GRIP1: variants seen among roughly 807,000 people sequenced by gnomAD.
The protein encoded by GRIP1 is glutamate receptor-interacting protein 1.
GRIP1 carries 45 observed loss-of-function variants against 129.9 expected under a neutral mutation model. The observed-to-expected ratio is 0.35, with a 90% confidence interval of 0.27 to 0.44. The LOEUF (loss-of-function observed/expected upper bound fraction) is 0.44. GRIP1 is among the 20% of genes least tolerant of loss of function. The pLI, the probability that GRIP1 is intolerant of heterozygous loss-of-function variation, is 1.00. For missense variants in GRIP1, 1,196 were observed against 1,396.8 expected, an observed-to-expected ratio of 0.86 and a Z score of 2.29; for synonymous variants, 530 against 520.8, an observed-to-expected ratio of 1.02 and a Z score of -0.24.
At chr12:66,653,943 G>T (rs577533280) in intron 1 of GRIP1, among the ~76,000 whole-genome samples, 1 of 152,122 alleles carries the variant, frequency 6.6e-6, no homozygotes, top group Non-Finnish European at 1.5e-5. Context: ...TCAGAGAACA[G>T]AGACTAAAAG....
At chr12:66,979,409 G>A (rs1328462290) in intron 1 of GRIP1, among the ~76,000 whole-genome samples, 3 of 151,100 alleles carry the variant, frequency 2.0e-5, no homozygotes, top group South Asian at 2.1e-4. Context: ...TAGTTTATAT[G>A]GTAATAGCCC....
intron 23 of GRIP1, among the ~76,000 whole-genome samples, chr12:66,358,255 T>C (rs921573181): frequency 6.6e-6 from 1 of 152,184 alleles, no homozygotes; most frequent in Non-Finnish European, 1.5e-5. Flanking sequence ...TGTTCTCATC[T>C]TTGGCCACAG....
At chr12:66,956,010 A>C (rs2041835527) in intron 1 of GRIP1, among the ~76,000 whole-genome samples, 1 of 152,222 alleles carries the variant, frequency 6.6e-6, no homozygotes, top group African/African-American at 2.4e-5. Context: ...TTGTGCAGAT[A>C]ATACAAAGAG....
At chr12:67,008,101 A>C (rs1473649128) in intron 1 of GRIP1, among the ~76,000 whole-genome samples, 3 of 152,214 alleles carry the variant, frequency 2.0e-5, no homozygotes, top group Non-Finnish European at 4.4e-5. Flanking sequence ...ACATGTATTT[A>C]AACTTTTCTT....
intron 1 of GRIP1, among the ~76,000 whole-genome samples, chr12:66,646,818 A>C (rs536806411): frequency 6.6e-6 from 1 of 152,292 alleles, no homozygotes; most frequent in African/African-American, 2.4e-5. Context: ...ACCAGGTAGC[A>C]AGAAGAGGTG....
At chr12:66,573,708 G>A (rs558104371) in intron 2 of GRIP1, among the ~76,000 whole-genome samples, 1 of 152,208 alleles carries the variant, frequency 6.6e-6, no homozygotes, top group African/African-American at 2.4e-5. Flanking sequence ...CCTAAAGCTT[G>A]ACCCCACAGC....
intron 5 of GRIP1, among the ~76,000 whole-genome samples, chr12:66,524,585 C>T (rs796534376): frequency 6.6e-6 from 1 of 151,490 alleles, no homozygotes; most frequent in Non-Finnish European, 1.5e-5. Context: ...AGGAAAGATC[C>T]AAAATTGACA....
intron 5 of GRIP1, among the ~76,000 whole-genome samples, chr12:66,519,480 T>C (rs1329621876): frequency 2.0e-5 from 3 of 152,148 alleles, no homozygotes; most frequent in Non-Finnish European, 2.9e-5. Flanking sequence ...AGGATGGGGG[T>C]CAAAGATAGC....
intron 1 of GRIP1, among the ~76,000 whole-genome samples, chr12:66,752,985 C>T (rs1416072720): frequency 2.0e-5 from 3 of 152,106 alleles, no homozygotes; most frequent in South Asian, 2.1e-4. Context: ...CTAGCGGAAA[C>T]TTCTCAGTAG....
At chr12:66,547,691 G>A (rs1020987033) in intron 2 of GRIP1, among the ~76,000 whole-genome samples, 1 of 152,176 alleles carries the variant, frequency 6.6e-6, no homozygotes, top group East Asian at 1.9e-4. Flanking sequence ...CACATTGTGT[G>A]ATTCCATTTA....
At chr12:66,378,963 A>T (rs892720503) in intron 20 of GRIP1, among the ~76,000 whole-genome samples, 2 of 151,972 alleles carry the variant, frequency 1.3e-5, no homozygotes, top group African/African-American at 4.8e-5. Context: ...TAAAAAAATA[A>T]ATAAATAAAA....
chr12:66,747,141 A>G (rs1241116961), intron 1 of GRIP1, among the ~76,000 whole-genome samples: 1 of 152,200 alleles, frequency 6.6e-6, no homozygotes, highest in Non-Finnish European at 1.5e-5. Flanking sequence ...GTAGAAAAGA[A>G]GTGAACTGAG....
At chr12:66,526,178 C>G (rs910524995) in intron 5 of GRIP1, among the ~76,000 whole-genome samples, 6 of 150,908 alleles carry the variant, frequency 4.0e-5, no homozygotes, top group African/African-American at 1.2e-4. Context: ...GAAAAAACTA[C>G]TTTAAAGTTC....
intron 1 of GRIP1, among the ~76,000 whole-genome samples, chr12:66,833,400 T>C (rs1370164787): frequency 1.3e-5 from 2 of 152,148 alleles, no homozygotes; most frequent in African/African-American, 2.4e-5. Context: ...TTCCCCAGCA[T>C]ACAGATCCAG....
chr12:66,362,442 C>T (rs111398907), intron 23 of GRIP1, among the ~76,000 whole-genome samples: 6,926 of 151,704 alleles, frequency 0.046, 514 homozygotes, highest in African/African-American at 0.11. Context: ...CGCAAGTCAC[C>T]GCGCCCAGCC....
intron 1 of GRIP1, among the ~76,000 whole-genome samples, chr12:66,608,576 C>T (rs1186591895): frequency 6.6e-6 from 1 of 152,138 alleles, no homozygotes; most frequent in East Asian, 1.9e-4. Flanking sequence ...CAGTGATCAG[C>T]CAGCCTCAAC....
intron 1 of GRIP1, among the ~76,000 whole-genome samples, chr12:66,724,760 A>G (rs1285744829): frequency 6.6e-6 from 1 of 152,208 alleles, no homozygotes; most frequent in Admixed American, 6.5e-5. Context: ...TTTGCTGCTC[A>G]GTGAAAAAAC....
chr12:66,817,258 C>A (rs989321321), intron 1 of GRIP1, among the ~76,000 whole-genome samples: 1 of 151,008 alleles, frequency 6.6e-6, no homozygotes. Flanking sequence ...ATATTTCCCA[C>A]GGACTATTTC....
intron 1 of GRIP1, among the ~76,000 whole-genome samples, chr12:66,982,924 T>C (rs1160006436): frequency 2.6e-5 from 4 of 152,196 alleles, no homozygotes; most frequent in African/African-American, 9.7e-5. Flanking sequence ...ATATGACTTA[T>C]AAGATGTAAG....
Sources: allele counts gnomAD v4.1 joint callset (sites outside exome capture counted in the v4.1 genomes callset), GRCh38; gene constraint gnomAD v4.1.1; transcripts MANE v1.5; gene names NCBI Gene and HGNC (gene_info 2026-07-23, HGNC 2026-07-21).